CBLB: variants seen among roughly 807,000 people sequenced by gnomAD.
The protein encoded by CBLB is Cbl proto-oncogene B.
A neutral mutation model predicts 104.9 loss-of-function variants in CBLB; 31 were observed. The ratio of observed to expected loss-of-function variants is 0.30; its 90% confidence interval spans 0.22 to 0.40. The LOEUF (loss-of-function observed/expected upper bound fraction) is 0.40. Ranked by LOEUF, CBLB falls within the 10% of genes least tolerant of loss-of-function variation. The probability of loss-of-function intolerance (pLI) is 1.00; values close to 1 mark genes in which losing one functional copy is unlikely to be tolerated. For synonymous variants in CBLB, 440 were observed against 422.6 expected (o/e 1.04, Z -0.51); for missense variants, 1,062 against 1,214.6 (o/e 0.87, Z 1.87).
intron 2 of CBLB, 112 bp from the exon 3 acceptor site, chr3:105,853,776 TCTTAA>T (rs1241386253): frequency 1.4e-6 from 1 of 737,298 alleles, no homozygotes; most frequent in Non-Finnish European, 2.2e-6. Context: ...TAAATAATGA[TCTTAA>T]CTTACTATCT....
At chr3:105,698,572 ACTAAAC>A in intron 12 of CBLB, among the ~76,000 whole-genome samples, 1 of 149,936 alleles carries the variant, frequency 6.7e-6, no homozygotes, top group Middle Eastern at 3.4e-3. Context: ...TATGAAAACT[ACTAAAC>A]CTAAGCGGCA....
intron 3 of CBLB, among the ~76,000 whole-genome samples, chr3:105,786,956 G>A (rs979042003): frequency 5.3e-5 from 8 of 152,132 alleles, no homozygotes; most frequent in African/African-American, 1.9e-4. Context: ...GTCTTAATAT[G>A]CATGATAACA....
intron 17 of CBLB, chr3:105,674,135 T>C (rs1308259178): frequency 6.6e-6 from 1 of 152,220 alleles, no homozygotes. Flanking sequence ...AATTTGAGAA[T>C]TGCTGCTCTA....
intron 9 of CBLB, among the ~76,000 whole-genome samples, chr3:105,730,931 A>G (rs1413694549): frequency 6.6e-6 from 1 of 152,198 alleles, no homozygotes; most frequent in Non-Finnish European, 1.5e-5. Flanking sequence ...GAGCTTGACA[A>G]TTATGTACTT....
At chr3:105,663,138 C>CCG (rs1253968869) in intron 18 of CBLB, among the ~76,000 whole-genome samples, 141 of 152,342 alleles carry the variant, frequency 9.3e-4, no homozygotes, top group African/African-American at 3.3e-3. Context: ...ACAGTTACTG[C>CCG]TGTTACTACT....
chr3:105,707,298 G>A (rs969168390), intron 10 of CBLB, among the ~76,000 whole-genome samples: 3 of 152,106 alleles, frequency 2.0e-5, no homozygotes, highest in South Asian at 2.1e-4. Context: ...TCCTTTTGAA[G>A]AATTAATTCA....
At chr3:105,791,553 T>C (rs1311757080) in intron 3 of CBLB, among the ~76,000 whole-genome samples, 2 of 152,230 alleles carry the variant, frequency 1.3e-5, no homozygotes, top group Admixed American at 1.3e-4. Flanking sequence ...GGTAATTCTC[T>C]TGATAAAGAG....
chr3:105,676,492 G>T (rs1387410598), intron 17 of CBLB, among the ~76,000 whole-genome samples: 1 of 151,924 alleles, frequency 6.6e-6, no homozygotes, highest in Non-Finnish European at 1.5e-5. Context: ...CCATCTATTG[G>T]GGCTTAAGTT....
intron 3 of CBLB, among the ~76,000 whole-genome samples, chr3:105,811,879 T>C (rs2153040580): frequency 6.6e-6 from 1 of 152,280 alleles, no homozygotes; most frequent in Middle Eastern, 3.4e-3. Flanking sequence ...AATTTTTGTA[T>C]TTTTAGTAGA....
chr3:105,685,610 TATATCAA>T, intron 13 of CBLB, 144 bp from the exon 14 acceptor site: 1 of 709,688 alleles, frequency 1.4e-6, no homozygotes, highest in East Asian at 2.7e-5. Context: ...AAGCTGTTCT[TATATCAA>T]ATACAAATGA....
chr3:105,865,966 T>C (rs1228573700), intron 2 of CBLB, among the ~76,000 whole-genome samples: 4 of 152,240 alleles, frequency 2.6e-5, no homozygotes, highest in Non-Finnish European at 2.9e-5. Flanking sequence ...GACAAATATA[T>C]GCTATTTTTC....
chr3:105,841,720 T>C (rs2153097845), intron 3 of CBLB, among the ~76,000 whole-genome samples: 1 of 152,260 alleles, frequency 6.6e-6, no homozygotes, highest in East Asian at 1.9e-4. Context: ...CCCAAAGTGC[T>C]GGGATTACAG....
chr3:105,832,038 T>G (rs1394433190), intron 3 of CBLB, among the ~76,000 whole-genome samples: 6 of 152,098 alleles, frequency 3.9e-5, no homozygotes, highest in Non-Finnish European at 5.9e-5. Context: ...AAAAAAAAAT[T>G]TAATTATATT....
chr3:105,734,280 A>G (rs1157296260), intron 8 of CBLB, 140 bp from the exon 9 acceptor site: 2 of 825,400 alleles, frequency 2.4e-6, no homozygotes, highest in Non-Finnish European at 4.0e-6. Context: ...CATTTGAGAC[A>G]TGTTTTGAAT....
At position 105,678,451 on chromosome 3, in the gene CBLB, T is replaced by A. The variant is rs1231143130; in HGVS notation, c.2549A>T (p.Asp850Val). 2 of 1,614,090 alleles carry A rather than the reference T, an allele frequency of 1.2e-6. No homozygotes were observed. Among genetic ancestry groups the A allele is most frequent in the South Asian group, 2.2e-5 (2 of 91,082 alleles). Residue 850 changes from aspartate to valine, a missense_variant, in exon 17 of 19, where the codon GAT (aspartate) becomes GTT (valine). Asp to Val is a radical substitution (Grantham distance 152, BLOSUM62 -3). Transcript: ENST00000394030. ...CCTACCTGAAGGAAGAAGAAAAAGA[T>A]CCTGTCCTGAGGATGGCCGGCTACT... ...GSSSRPSSGQ[D>V]LFLLPSDPFV...
At chr3:105,708,182 C>T (rs1297095709) in intron 10 of CBLB, among the ~76,000 whole-genome samples, 2 of 152,020 alleles carry the variant, frequency 1.3e-5, no homozygotes, top group African/African-American at 4.8e-5. Context: ...ATCACCCAGG[C>T]CATTTATCTT....
intron 3 of CBLB, among the ~76,000 whole-genome samples, chr3:105,794,686 T>C (rs1337225308): frequency 6.6e-6 from 1 of 152,172 alleles, no homozygotes; most frequent in African/African-American, 2.4e-5. Flanking sequence ...AAGACGTTCT[T>C]GTGAGCTAAA....
intron 18 of CBLB, among the ~76,000 whole-genome samples, chr3:105,664,201 A>G (rs1408325417): frequency 6.6e-6 from 1 of 152,218 alleles, no homozygotes; most frequent in Non-Finnish European, 1.5e-5. Flanking sequence ...AACAATAAAT[A>G]TAACACTGAG....
At chr3:105,717,735 A>AT (rs1553740679) in intron 10 of CBLB, among the ~76,000 whole-genome samples, 1 of 152,154 alleles carries the variant, frequency 6.6e-6, no homozygotes. Flanking sequence ...CAGTACATCA[A>AT]TATCACCAGC....
Sources: gnomAD v4.1 joint callset for allele counts (sites outside exome capture counted in the v4.1 genomes callset) on GRCh38, gnomAD v4.1.1 for gene constraint, MANE v1.5 for transcripts, NCBI Gene and HGNC (gene_info 2026-07-23, HGNC 2026-07-21) for gene names.